SELP: variants seen among roughly 807,000 people sequenced by gnomAD.
SELP encodes selectin P, also known as P-selectin.
Under a neutral mutation model 104.1 loss-of-function variants are expected in SELP, and 92 were observed. That is an observed-to-expected ratio of 0.88 (90% CI 0.75 to 1.05). The LOEUF is 1.05. Among genes scored for constraint, SELP ranks in the 50% least tolerant of loss-of-function variants. The pLI is 0.00. For missense variants in SELP, 1,022 were observed against 1,017.3 expected (o/e 1.00, Z -0.06); for synonymous variants, 397 against 364.5 (o/e 1.09, Z -1.01).
At chr1:169,612,137 T>C in intron 6 of SELP, 80 bp downstream of exon 6, 1 of 1,416,354 alleles carries the variant, frequency 7.1e-7, no homozygotes, top group Non-Finnish European at 9.8e-7. Context: ...AGCTTCTCCA[T>C]AAGCTGGTCA....
intron 9 of SELP, among the ~76,000 whole-genome samples, chr1:169,605,262 C>T (rs950423773): frequency 1.3e-5 from 2 of 152,200 alleles, no homozygotes; most frequent in African/African-American, 4.8e-5. Flanking sequence ...TCAACGTAGC[C>T]AGGATGAGCA....
chr1:169,612,977 C>G lies in SELP; in HGVS notation c.727G>C (p.Glu243Gln), dbSNP rs770804898. 2.5e-6 allele frequency: 4 copies of G among 1,613,354 alleles called. No homozygotes were observed. The African/African-American group carries it at 4.0e-5, about 16-fold the overall frequency. The part of the protein sequence containing the change: ...GYQVNGPSKL[E>Q]CLASGIWTNK... ...GTCCAGATTCCAGAAGCCAAGCATT[C>G]CAGCTTGCTGGGCCCATTTACTTGG... The change falls in exon 5 of 17, where the codon GAA becomes CAA. Residue 243 changes from glutamate to glutamine, a missense_variant. Physicochemically the swap from Glu to Gln is conservative, Grantham distance 29. Transcript: ENST00000263686.
intron 11 of SELP, among the ~76,000 whole-genome samples, chr1:169,596,622 A>G (rs892659499): frequency 6.6e-5 from 10 of 152,244 alleles, no homozygotes; most frequent in African/African-American, 2.4e-4. Flanking sequence ...TGTGGCAGGA[A>G]GATGATGATT....
chr1:169,619,239 C>A lies in SELP; in HGVS notation c.4-20G>T, dbSNP rs1389751220. 9 of 1,597,470 alleles carry A rather than the reference C, an allele frequency of 5.6e-6. No homozygotes were observed. Among genetic ancestry groups the A allele is most frequent in the Non-Finnish European group, 6.9e-6 (8 of 1,165,310 alleles). On this transcript the variant is annotated intron_variant, in intron 1 of 16. Coordinates refer to ENST00000263686, the MANE Select transcript of SELP (RefSeq NM_003005.4). Reference sequence around the variant, plus strand: ...GTTGGCCTGAAACAAGAAGAGAAAACTTTCTTTTAGTATCCATACACCACC... The same window carrying A: ...GTTGGCCTGAAACAAGAAGAGAAAAATTTCTTTTAGTATCCATACACCACC...
intron 1 of SELP, among the ~76,000 whole-genome samples, chr1:169,624,089 C>T (rs1013422049): frequency 6.6e-6 from 1 of 152,152 alleles, no homozygotes; most frequent in Admixed American, 6.5e-5. Flanking sequence ...TCTGTGTTAA[C>T]TGTAAGGCAA....
chr1:169,608,782 G>A (rs891143848), intron 8 of SELP, among the ~76,000 whole-genome samples: 23 of 152,076 alleles, frequency 1.5e-4, no homozygotes, highest in Admixed American at 1.1e-3. Context: ...AGAGGTCTCC[G>A]TAAATGAAAA....
intron 8 of SELP, 144 bp downstream of exon 8, chr1:169,609,360 C>T (rs941981754): frequency 6.5e-6 from 5 of 772,414 alleles, no homozygotes; most frequent in Non-Finnish European, 8.1e-6. Flanking sequence ...TTCATCTCAT[C>T]CCTGGTCCCA....
chr1:169,593,931 T>C (rs1661468906), intron 13 of SELP, among the ~76,000 whole-genome samples: 1 of 152,226 alleles, frequency 6.6e-6, no homozygotes, highest in Non-Finnish European at 1.5e-5. Context: ...GGCCTTATTT[T>C]ATTCCTAAGG....
intron 3 of SELP, among the ~76,000 whole-genome samples, chr1:169,616,271 C>T: frequency 6.6e-6 from 1 of 152,188 alleles, no homozygotes; most frequent in East Asian, 1.9e-4. Context: ...AAAGCATTTA[C>T]AATCCTTGGT....
chr1:169,625,381 T>A (rs561436561), intron 1 of SELP, among the ~76,000 whole-genome samples: 2 of 152,218 alleles, frequency 1.3e-5, no homozygotes, highest in Non-Finnish European at 2.9e-5. Context: ...CCCACCTCCA[T>A]GGCCCTATTC....
At chr1:169,611,747 T>A in intron 6 of SELP, 70 bp from the exon 7 acceptor site, 1 of 1,456,240 alleles carries the variant, frequency 6.9e-7, no homozygotes, top group Non-Finnish European at 9.5e-7. Flanking sequence ...AGAGCAATGG[T>A]GGAACCACCT....
intron 11 of SELP, among the ~76,000 whole-genome samples, chr1:169,596,400 G>C (rs550829855): frequency 2.4e-4 from 37 of 152,316 alleles, no homozygotes; most frequent in South Asian, 1.4e-3. Flanking sequence ...ATTTTAAAAA[G>C]AAGCAAGAAA....
chr1:169,595,061 G>C (rs904266604), intron 12 of SELP, among the ~76,000 whole-genome samples, 184 bp from the exon 13 acceptor site: 1 of 152,116 alleles, frequency 6.6e-6, no homozygotes, highest in Admixed American at 6.5e-5. Flanking sequence ...ATATTCTCTC[G>C]AAGGGTGATA....
Position 169,617,277 on chromosome 1 carries a change from A to G in SELP, c.232T>C (p.Tyr78His), listed in dbSNP as rs202013694. ...VAIQNKNEID[Y>H]LNKVLPYYSS... ...TAGTAGGGTAGGACCTTATTGAGGT[A>G]ATCAATTTCATTTTTATTCTGGATG... The change falls in exon 3 of 17, where the codon TAC becomes CAC. Residue 78 changes from tyrosine to histidine, a missense_variant. Physicochemically the swap from Tyr to His is moderately conservative, Grantham distance 83. Transcript: ENST00000263686. The G allele has an allele frequency of 4.6e-5, 75 of 1,614,050 alleles. No homozygotes were observed. Among genetic ancestry groups the G allele is most frequent in the Non-Finnish European group, 6.0e-5 (71 of 1,180,028 alleles).
chr1:169,625,719 A>C (rs1180090679), intron 1 of SELP, among the ~76,000 whole-genome samples: 2 of 152,260 alleles, frequency 1.3e-5, no homozygotes, highest in African/African-American at 2.4e-5. Context: ...GCTAAATAAG[A>C]AAATGTTGGA....
Position 169,613,712 on chromosome 1 carries a change from G to C in SELP, c.482-19C>G, listed in dbSNP as rs747195657. On this transcript the variant is annotated intron_variant, in intron 3 of 16. Coordinates refer to ENST00000263686, the MANE Select transcript of SELP (RefSeq NM_003005.4). Reference sequence around the variant, plus strand: ...CAGGAGGCTGCATAGATATGGAAAGGTCAGAGTCATGGACATTCACAGATG... The same window carrying C: ...CAGGAGGCTGCATAGATATGGAAAGCTCAGAGTCATGGACATTCACAGATG... The C allele has an allele frequency of 1.3e-5, 21 of 1,602,618 alleles. No individual in the cohort carries two copies. Among genetic ancestry groups the C allele is most frequent in the Middle Eastern group, 1.7e-4 (1 of 6,042 alleles).
At position 169,590,211 on chromosome 1, in the gene SELP, C is replaced by T; in HGVS notation, c.2439-9G>A. 1 of 1,610,404 alleles carries T rather than the reference C, an allele frequency of 6.2e-7. No homozygotes were observed. The highest frequency in any genetic ancestry group is 1.7e-5 in the Admixed American group (1 of 59,964). On this transcript the variant is annotated splice_polypyrimidine_tract_variant and intron_variant, in intron 15 of 16. Coordinates refer to ENST00000263686, the MANE Select transcript of SELP (RefSeq NM_003005.4). Reference sequence around the variant, plus strand: ...CATATGTTCCTAGGTGGCTAAAGAACAGAAACACAAGGATGGCAACAATAT... The same window carrying T: ...CATATGTTCCTAGGTGGCTAAAGAATAGAAACACAAGGATGGCAACAATAT...
intron 9 of SELP, 33 bp from the exon 10 acceptor site, chr1:169,603,244 G>C: frequency 6.3e-7 from 1 of 1,582,472 alleles, no homozygotes; most frequent in Non-Finnish European, 8.6e-7. Flanking sequence ...GAAAAGAAGA[G>C]ATCATTTTAT....
rs1571667128 is a variant in SELP at position 169,617,040 on chromosome 1, A to G, written c.469T>C (p.Leu157=). 6.2e-7 allele frequency: 1 copy of G among 1,610,854 alleles called. No homozygotes were observed. The highest frequency in any genetic ancestry group is 1.1e-5 in the South Asian group (1 of 90,862). ...GAGAAGGCCCTACCTGTGTAACACA[A>G]TGCGTGCTTTTTCTTCAAGCAGTGC... The part of the protein sequence containing the change: ...DEHCLKKKHA[L]CYTASCQDMS... Residue 157 remains leucine, a synonymous_variant, in exon 3 of 17, where the codon TTG becomes CTG. Coordinates refer to ENST00000263686, the MANE Select transcript of SELP (RefSeq NM_003005.4).
Sources: allele counts gnomAD v4.1 joint callset (sites outside exome capture counted in the v4.1 genomes callset), GRCh38; gene constraint gnomAD v4.1.1; transcripts MANE v1.5; gene names NCBI Gene and HGNC (gene_info 2026-07-23, HGNC 2026-07-21).